The following CGREF1 variants were observed in gnomAD, a reference collection of about 807,000 sequenced individuals.
CGREF1 encodes cell growth regulator with EF hand domain protein 1.
A neutral mutation model predicts 17.4 loss-of-function variants in CGREF1; 16 were observed. The ratio of observed to expected loss-of-function variants is 0.92; its 90% CI spans 0.62 to 1.40. The LOEUF (loss-of-function observed/expected upper bound fraction) is 1.40, where lower values mean the gene tolerates loss of function less well. Ranked by LOEUF, CGREF1 falls within the 40% of genes most tolerant of loss-of-function variation. The pLI is 0.00. For synonymous variants in CGREF1, 142 were observed against 154.6 expected, an observed-to-expected ratio of 0.92 and a Z score of 0.61; for missense variants, 296 against 376.4, an observed-to-expected ratio of 0.79 and a Z score of 1.77.
At chr2:27,100,103 A>T, downstream of CGREF1, 1 of 574,364 alleles carries the variant, frequency 1.7e-6, no homozygotes, top group South Asian at 2.0e-5. Flanking sequence ...CCTGGGCTAG[A>T]GCAGCGAGAA....
At position 27,100,858 on chromosome 2, in the gene CGREF1, G is replaced by A; in HGVS notation, c.*416C>T. 2 of 1,093,102 alleles carry A rather than the reference G, an allele frequency of 1.8e-6. No homozygotes were observed. Among genetic ancestry groups the A allele is most frequent in the African/African-American group, 1.7e-5 (1 of 59,974 alleles). The allele number at this position is 1,093,102 out of a possible 1,614,324, so 67.7% of individuals were successfully genotyped here. A position where few individuals can be genotyped will look rare whatever the true frequency, so the allele number is the denominator to read the frequency against. Reference sequence around the variant, plus strand: ...AGAGCATGGGGTGTCTGAACACCAGGTGAGGGGGAACCGGTGAGGGTTTGG... The same window carrying A: ...AGAGCATGGGGTGTCTGAACACCAGATGAGGGGGAACCGGTGAGGGTTTGG... On this transcript the variant is annotated 3_prime_UTR_variant, in exon 6 of 6. Transcript: ENST00000402394.
At position 27,102,154 on chromosome 2, in the gene CGREF1, C is replaced by G; in HGVS notation, c.285G>C (p.Leu95=). The change falls in exon 5 of 6, where the codon CTG becomes CTC. Residue 95 remains leucine, a synonymous_variant. Transcript: ENST00000402394. ...GGGCCAGAGCAGCTGTCAACATGGA[C>G]AGCAGCTCCAGGCCATCCAGCTGTC... ...QSGQLDGLEL[L]SMLTAALAPG... 1 of 1,612,538 alleles carries G rather than the reference C, an allele frequency of 6.2e-7. No homozygotes were observed. Among genetic ancestry groups the G allele is most frequent in the Non-Finnish European group, 8.5e-7 (1 of 1,178,724 alleles).
chr2:27,114,135 C>T (rs1671491806), intron 1 of CGREF1, among the ~76,000 whole-genome samples: 1 of 151,836 alleles, frequency 6.6e-6, no homozygotes, highest in Non-Finnish European at 1.5e-5. Context: ...GCTGGGACTA[C>T]AGGTGCACGC....
intron 2 of CGREF1, 119 bp from the exon 3 acceptor site, chr2:27,102,710 A>C: frequency 1.7e-6 from 2 of 1,151,734 alleles, no homozygotes; most frequent in South Asian, 1.6e-5. Context: ...AGTTGCCCCC[A>C]AAATTCCAAA....
chr2:27,115,040 TC>T (rs1310081834), intron 1 of CGREF1, among the ~76,000 whole-genome samples: 1 of 152,170 alleles, frequency 6.6e-6, no homozygotes, highest in East Asian at 1.9e-4. Flanking sequence ...GGGCCCATTA[TC>T]CTTTTAAGCC....
rs187091273 is a variant in CGREF1, at chr2:27,103,169, A to G, written c.81-578T>C. On this transcript the variant is annotated intron_variant, in intron 2 of 5. Coordinates refer to ENST00000402394, the MANE Select transcript of CGREF1 (RefSeq NM_006569.6). ...CTGGGTTAACTGTTTGCCCAAGTCA[A>G]TCCAGACCTGTGATGCCAGAGAGCT... The G allele has an allele frequency of 8.3e-4, 790 of 951,596 alleles. 2 individuals are homozygous for G. The highest frequency in any genetic ancestry group is 8.9e-4 in the Non-Finnish European group (712 of 799,080). 58.9% of individuals were successfully genotyped at this position (951,596 alleles called of 1,614,324 possible). A position where few individuals can be genotyped will look rare whatever the true frequency, so the allele number is the denominator to read the frequency against.
In CGREF1 at chr2:27,101,194, C is replaced by G; in HGVS notation, c.*80G>C. On this transcript the variant is annotated 3_prime_UTR_variant, in exon 6 of 6. Coordinates refer to ENST00000402394, the MANE Select transcript of CGREF1 (RefSeq NM_006569.6). ...CAGGGGGCACAGAGATGGTCCTTGTCCCAGCGTACATTTCCCCTGCCCACT... is the reference window on the plus strand; with the variant it reads ...CAGGGGGCACAGAGATGGTCCTTGTGCCAGCGTACATTTCCCCTGCCCACT... 1 of 1,505,228 alleles carries G rather than the reference C, an allele frequency of 6.6e-7. No individual in the cohort carries two copies. The highest frequency in any genetic ancestry group is 8.8e-7 in the Non-Finnish European group (1 of 1,131,204). The allele number at this position is 1,505,228 out of a possible 1,614,324, so 93.2% of individuals were successfully genotyped here.
intron 1 of CGREF1, among the ~76,000 whole-genome samples, chr2:27,116,526 A>G (rs72854125): frequency 0.075 from 11,401 of 151,842 alleles, 511 homozygotes; most frequent in African/African-American, 0.11. Flanking sequence ...GACTGTCTCA[A>G]AAAAAGAGAG....
At chr2:27,115,131 G>C (rs891280889) in intron 1 of CGREF1, among the ~76,000 whole-genome samples, 1 of 152,120 alleles carries the variant, frequency 6.6e-6, no homozygotes, top group Admixed American at 6.5e-5. Flanking sequence ...ATGGGTGTGC[G>C]TCCTGTGAAG....
At position 27,102,516 on chromosome 2, in the gene CGREF1, C is replaced by T. The variant is rs1255229484; in HGVS notation, c.146+10G>A. ...TCTCCCTGAAAGCACCCCCGGCCCA[C>T]CCTACTCACCCGAGCTGCTCCTGGC... On this transcript the variant is annotated intron_variant, in intron 3 of 5. Coordinates refer to ENST00000402394, the MANE Select transcript of CGREF1 (RefSeq NM_006569.6). The T allele has an allele frequency of 1.9e-6, 3 of 1,613,786 alleles. No individual in the cohort carries two copies. The highest frequency in any genetic ancestry group is 1.3e-5 in the African/African-American group (1 of 74,914).
intron 1 of CGREF1, among the ~76,000 whole-genome samples, chr2:27,116,037 ACC>A (rs35049337): frequency 1.3e-5 from 2 of 150,504 alleles, no homozygotes; most frequent in African/African-American, 2.5e-5. Flanking sequence ...GCAAAATGAG[ACC>A]CCCCCCATCT....
At chr2:27,099,540 C>T (rs747498412), downstream of CGREF1, 5 of 1,614,198 alleles carry the variant, frequency 3.1e-6, no homozygotes, top group Admixed American at 3.3e-5. Flanking sequence ...GAGCTGGAGA[C>T]ACCTTCAATG....
At chr2:27,106,814 C>T (rs1318872666) in intron 1 of CGREF1, among the ~76,000 whole-genome samples, 1 of 152,112 alleles carries the variant, frequency 6.6e-6, no homozygotes, top group Non-Finnish European at 1.5e-5. Flanking sequence ...GACAGAGTTT[C>T]GCTGTGTTGG....
At chr2:27,107,396 A>G (rs1369894949) in intron 1 of CGREF1, among the ~76,000 whole-genome samples, 2 of 152,030 alleles carry the variant, frequency 1.3e-5, no homozygotes, top group Non-Finnish European at 2.9e-5. Flanking sequence ...CTGGGATTAC[A>G]GGCATGTGCC....
chr2:27,107,483 G>A (rs1206275465), intron 1 of CGREF1, among the ~76,000 whole-genome samples: 2 of 151,548 alleles, frequency 1.3e-5, no homozygotes, highest in African/African-American at 4.8e-5. Context: ...TCAAACTCCT[G>A]ACCTCATGAT....
At chr2:27,100,033 C>T, downstream of CGREF1, 1 of 657,454 alleles carries the variant, frequency 1.5e-6, no homozygotes, top group Non-Finnish European at 2.6e-6. Flanking sequence ...CTCTTCGATC[C>T]TCCCTCTTTG....
At chr2:27,106,596 G>C (rs1359265437) in intron 1 of CGREF1, among the ~76,000 whole-genome samples, 1 of 152,140 alleles carries the variant, frequency 6.6e-6, no homozygotes, top group Non-Finnish European at 1.5e-5. Flanking sequence ...TAACAAGCCT[G>C]ATCTAATGTG....
chr2:27,101,176 C>G lies in CGREF1; in HGVS notation c.*98G>C. ...ATACCTACTGGGACCAGGCAGGGGG[C>G]ACAGAGATGGTCCTTGTCCCAGCGT... On this transcript the variant is annotated 3_prime_UTR_variant, in exon 6 of 6. Transcript: ENST00000402394. 6.7e-7 allele frequency: 1 copy of G among 1,494,102 alleles called. No homozygotes were observed. 92.6% of individuals were successfully genotyped at this position (1,494,102 alleles called of 1,614,324 possible). A position where few individuals can be genotyped will look rare whatever the true frequency, so the allele number is the denominator to read the frequency against.
Position 27,101,601 on chromosome 2 carries a change from G to A in CGREF1, c.630C>T (p.Gly210=), listed in dbSNP as rs1263492350. 3 of 1,613,746 alleles carry A rather than the reference G, an allele frequency of 1.9e-6. No individual in the cohort carries two copies. The highest frequency in any genetic ancestry group is 2.2e-5 in the South Asian group (2 of 91,082). Residue 210 remains glycine, a synonymous_variant, in exon 6 of 6, where the codon GGC becomes GGT. Transcript: ENST00000402394. Reference sequence around the variant, plus strand: ...GAACATCTCCATCAGCCTCTGCCTGGCCCCCAGGCTCCTGGACAGGATCCA... The same window carrying A: ...GAACATCTCCATCAGCCTCTGCCTGACCCCCAGGCTCCTGGACAGGATCCA... The part of the protein sequence containing the change: ...ESLDPVQEPG[G]QAEADGDVPG...
Sources: allele counts gnomAD v4.1 joint callset (sites outside exome capture counted in the v4.1 genomes callset), GRCh38; gene constraint gnomAD v4.1.1; transcripts MANE v1.5; gene names NCBI Gene and HGNC (gene_info 2026-07-23, HGNC 2026-07-21).